SLC16A2: variants seen among roughly 807,000 people sequenced by gnomAD.
SLC16A2 encodes solute carrier family 16 member 2.
In SLC16A2, 3 loss-of-function variants were observed where a neutral mutation model predicts 27.2. The observed-to-expected ratio is 0.11, with a 90% CI of 0.05 to 0.28. The LOEUF is 0.28. Ranked by LOEUF, SLC16A2 falls within the 10% of genes least tolerant of loss-of-function variation. The pLI, the probability that SLC16A2 is intolerant of heterozygous loss-of-function variation, is 1.00. For missense variants in SLC16A2, 295 were observed against 458.5 expected, an observed-to-expected ratio of 0.64 and a Z score of 3.26; for synonymous variants, 202 against 187.8, an observed-to-expected ratio of 1.08 and a Z score of -0.62.
intron 1 of SLC16A2, among the ~76,000 whole-genome samples, chrX:74,512,945 C>T (rs1433940060): frequency 9.0e-6 from 1 of 111,093 alleles, no homozygotes; most frequent in Non-Finnish European, 1.9e-5. Context: ...CACTTAGGTA[C>T]AGGCCTTTTG....
Position 74,429,470 on chromosome X carries a change from C to CA in SLC16A2, c.430+7418dup, listed in dbSNP as rs776083386. Reference sequence around the variant, plus strand: ...CTGGGTGACAAGTGAGACCCTGTCTCAAAAAAAAAAAAAAAGTGCCTTCAG... The same window carrying CA: ...CTGGGTGACAAGTGAGACCCTGTCTCAAAAAAAAAAAAAAAAGTGCCTTCAG... On this transcript the variant is annotated intron_variant, in intron 1 of 5. Transcript: ENST00000587091. Among the ~76,000 whole-genome samples the CA allele has an allele frequency of 1.0e-2, 791 of 79,284 alleles. 5 individuals are homozygous for CA. Among genetic ancestry groups the CA allele is most frequent in the African/African-American group, 0.03 (634 of 21,483 alleles). The allele number at this position is 79,284 out of a possible 115,157, so 68.8% of individuals were successfully genotyped here.
intron 1 of SLC16A2, among the ~76,000 whole-genome samples, chrX:74,451,046 G>T (rs760830683): frequency 1.8e-5 from 2 of 111,758 alleles, no homozygotes; most frequent in South Asian, 7.7e-4. Context: ...TTTCCATGGG[G>T]ATCTGTGGGT....
Position 74,421,527 on chromosome X carries a change from A to G in SLC16A2, c.-111A>G. 1.0e-6 allele frequency: 1 copy of G among 1,001,385 alleles called. No homozygotes were observed. The highest frequency in any genetic ancestry group is 1.4e-6 in the Non-Finnish European group (1 of 720,886). 82.5% of individuals were successfully genotyped at this position (1,001,385 alleles called of 1,213,427 possible). Reference sequence around the variant, plus strand: ...GGGCGCGGAGCCTGGAGGAGGAGGCAGCGGCAGCGGCAGCAGCAGCCCTCC... The same window carrying G: ...GGGCGCGGAGCCTGGAGGAGGAGGCGGCGGCAGCGGCAGCAGCAGCCCTCC... On this transcript the variant is annotated 5_prime_UTR_variant, in exon 1 of 6. Coordinates refer to ENST00000587091, the MANE Select transcript of SLC16A2 (RefSeq NM_006517.5).
At chrX:74,498,488 C>A (rs1929974872) in intron 1 of SLC16A2, among the ~76,000 whole-genome samples, 1 of 111,183 alleles carries the variant, frequency 9.0e-6, no homozygotes, top group South Asian at 3.8e-4. Context: ...CAGCAGCATG[C>A]ATTCTCTAGT....
chrX:74,451,695 G>A (rs1196328112), intron 1 of SLC16A2, among the ~76,000 whole-genome samples: 1 of 112,969 alleles, frequency 8.9e-6, no homozygotes, highest in African/African-American at 3.2e-5. Context: ...GATCAAGAAG[G>A]AAGTGTGTAC....
intron 1 of SLC16A2, among the ~76,000 whole-genome samples, chrX:74,475,841 T>G (rs1276188835): frequency 9.0e-6 from 1 of 111,673 alleles, no homozygotes; most frequent in Non-Finnish European, 1.9e-5. Flanking sequence ...TTGGTCTATA[T>G]CTCTGTTTTG....
chrX:74,421,554 A>C lies in SLC16A2; in HGVS notation c.-84A>C. On this transcript the variant is annotated 5_prime_UTR_variant, in exon 1 of 6. Coordinates refer to ENST00000587091, the MANE Select transcript of SLC16A2 (RefSeq NM_006517.5). Reference sequence around the variant, plus strand: ...CGGCAGCGGCAGCAGCAGCCCTCCGAGCAGCAGCAGCTGCAGCAGCAGAAA... The same window carrying C: ...CGGCAGCGGCAGCAGCAGCCCTCCGCGCAGCAGCAGCTGCAGCAGCAGAAA... 1 of 1,102,667 alleles carries C rather than the reference A, an allele frequency of 9.1e-7. No homozygotes were observed. Among genetic ancestry groups the C allele is most frequent in the Non-Finnish European group, 1.2e-6 (1 of 808,985 alleles). The allele number at this position is 1,102,667 out of a possible 1,213,427, so 90.9% of individuals were successfully genotyped here. A position where few individuals can be genotyped will look rare whatever the true frequency, so the allele number is the denominator to read the frequency against.
At chrX:74,497,197 G>C (rs1207268963) in intron 1 of SLC16A2, among the ~76,000 whole-genome samples, 1 of 111,817 alleles carries the variant, frequency 8.9e-6, no homozygotes, top group Non-Finnish European at 1.9e-5. Flanking sequence ...CAGGTCCGGG[G>C]TGAAGCCCCA....
rs1309621591 is a variant in SLC16A2 at position 74,478,344 on chromosome X, G to A, written c.431-42646G>A. Among the ~76,000 whole-genome samples, 4 of 111,209 alleles carry A rather than the reference G, an allele frequency of 3.6e-5. No homozygotes were observed. In the Admixed American group the frequency reaches 3.8e-4, roughly 11 times the overall value. ...TTTTTTGTTTTCCATTTGCTTGGTAGATCTTCCTCCATCCCTTTATTTTGA... is the reference window on the plus strand; with the variant it reads ...TTTTTTGTTTTCCATTTGCTTGGTAAATCTTCCTCCATCCCTTTATTTTGA... On this transcript the variant is annotated intron_variant, in intron 1 of 5. Transcript: ENST00000587091.
At chrX:74,499,578 C>A (rs945355513) in intron 1 of SLC16A2, among the ~76,000 whole-genome samples, 7 of 109,143 alleles carry the variant, frequency 6.4e-5, no homozygotes, top group African/African-American at 1.3e-4. Context: ...CTCAGCCACC[C>A]AAGTAGCTGG....
At chrX:74,480,878 A>G (rs947162176) in intron 1 of SLC16A2, among the ~76,000 whole-genome samples, 4 of 112,169 alleles carry the variant, frequency 3.6e-5, no homozygotes, top group Non-Finnish European at 7.5e-5. Context: ...ATAGATGACC[A>G]TTATCATGTT....
intron 1 of SLC16A2, among the ~76,000 whole-genome samples, chrX:74,437,432 C>T (rs937775625): frequency 1.8e-5 from 2 of 112,003 alleles, no homozygotes; most frequent in Non-Finnish European, 3.8e-5. Context: ...TCAGTGTTCC[C>T]GGAAAACTTG....
At chrX:74,441,106 A>G (rs1164583831) in intron 1 of SLC16A2, among the ~76,000 whole-genome samples, 2 of 107,012 alleles carry the variant, frequency 1.9e-5, no homozygotes, top group Non-Finnish European at 3.8e-5. Context: ...CGCCCAGGCT[A>G]GAGTGCAGTG....
At chrX:74,509,798 C>T (rs1930199460) in intron 1 of SLC16A2, among the ~76,000 whole-genome samples, 1 of 112,188 alleles carries the variant, frequency 8.9e-6, no homozygotes, top group Non-Finnish European at 1.9e-5. Flanking sequence ...AACTCCTGAC[C>T]TCAAGTGATC....
chrX:74,448,170 C>A (rs1034155481), intron 1 of SLC16A2, among the ~76,000 whole-genome samples: 5 of 111,003 alleles, frequency 4.5e-5, no homozygotes, highest in African/African-American at 9.8e-5. Context: ...TATACCTTCC[C>A]TGGGGCTCAT....
chrX:74,529,644 G>C (rs780803386), intron 5 of SLC16A2, among the ~76,000 whole-genome samples: 2 of 110,439 alleles, frequency 1.8e-5, no homozygotes, highest in Non-Finnish European at 3.8e-5. Flanking sequence ...CTGCGGGATG[G>C]ATTTTCCATG....
At chrX:74,530,090 C>CT (rs748919451) in intron 5 of SLC16A2, among the ~76,000 whole-genome samples, 1,677 of 67,889 alleles carry the variant, frequency 0.025, 55 homozygotes, top group African/African-American at 0.065. Context: ...TTTCTTTTCT[C>CT]TTTTTTTTTT....
chrX:74,515,189 G>A (rs1930297223), intron 1 of SLC16A2, among the ~76,000 whole-genome samples: 1 of 111,562 alleles, frequency 9.0e-6, no homozygotes. Context: ...AGTCTCAGTA[G>A]ATAATTAGAA....
chrX:74,532,016 A>G lies in SLC16A2; in HGVS notation c.*463A>G, dbSNP rs1295534988. The G allele has an allele frequency of 1.1e-5, 2 of 179,421 alleles. No homozygotes were observed. The highest frequency in any genetic ancestry group is 5.9e-5 in the African/African-American group (2 of 33,764). The allele number at this position is 179,421 out of a possible 1,213,427, so 14.8% of individuals were successfully genotyped here. ...CCACTGGGTGGAGGGGCAGGGAGGC[A>G]AAATGAGACAAGTAGCCTTGGTTAG... On this transcript the variant is annotated 3_prime_UTR_variant, in exon 6 of 6. Coordinates refer to ENST00000587091, the MANE Select transcript of SLC16A2 (RefSeq NM_006517.5).
Sources: allele counts gnomAD v4.1 joint callset (sites outside exome capture counted in the v4.1 genomes callset), GRCh38; gene constraint gnomAD v4.1.1; transcripts MANE v1.5; gene names NCBI Gene and HGNC (gene_info 2026-07-23, HGNC 2026-07-21).